The following TTC39B variants were observed in gnomAD, a reference collection of about 807,000 sequenced individuals.
TTC39B encodes the protein tetratricopeptide repeat domain 39B.
A neutral mutation model predicts 96.6 loss-of-function variants in TTC39B; 92 were observed. That is an observed-to-expected ratio of 0.95 (90% confidence interval 0.80 to 1.13). The LOEUF (loss-of-function observed/expected upper bound fraction) is 1.13, where lower values mean the gene tolerates loss of function less well. Ranked by LOEUF, TTC39B falls within the 50% of genes most tolerant of loss-of-function variation. The pLI is 0.00. For synonymous variants in TTC39B, 367 were observed against 299.4 expected, an observed-to-expected ratio of 1.23 and a Z score of -2.33; for missense variants, 955 against 809.3, an observed-to-expected ratio of 1.18 and a Z score of -2.18.
intron 2 of TTC39B, among the ~76,000 whole-genome samples, chr9:15,255,419 A>T (rs570062615): frequency 2.6e-5 from 4 of 152,218 alleles, no homozygotes; most frequent in African/African-American, 9.6e-5. Flanking sequence ...AGAAGGAAAA[A>T]GAAAGGAGAC....
At chr9:15,195,931 T>C (rs2131285240) in intron 8 of TTC39B, among the ~76,000 whole-genome samples, 1 of 152,322 alleles carries the variant, frequency 6.6e-6, no homozygotes, top group South Asian at 2.1e-4. Context: ...ATGGAACTGG[T>C]GACTTTAAAT....
At chr9:15,171,929 C>T in exon 20 of TTC39B, 1 of 992,332 alleles carries the variant, frequency 1.0e-6, no homozygotes, top group African/African-American at 1.6e-5. Context: ...GTCTCTTATT[C>T]ACAAGATCAT....
intron 1 of TTC39B, among the ~76,000 whole-genome samples, chr9:15,305,813 A>G (rs59781734): frequency 0.15 from 23,198 of 151,400 alleles, 3,140 homozygotes; most frequent in African/African-American, 0.37. Flanking sequence ...GCACCGCCTC[A>G]ACAATGCCCT....
chr9:15,257,285 G>A lies in TTC39B; in HGVS notation c.275+10629C>T, dbSNP rs546233152. 5.9e-5 allele frequency among the ~76,000 whole-genome samples: 9 copies of A among 152,286 alleles called. No individual in the cohort carries two copies. The South Asian group carries it at 1.9e-3, about 32-fold the overall frequency. ...ATATATTTTAATATATTTAGAGGTA[G>A]AAATAAATTATCATGTCTAGGATTT... On this transcript the variant is annotated intron_variant, in intron 2 of 19. Transcript: ENST00000512701.
chr9:15,186,694 C>A, intron 15 of TTC39B: 1 of 341,168 alleles, frequency 2.9e-6, no homozygotes, highest in Non-Finnish European at 5.3e-6. Flanking sequence ...AGTTAATATA[C>A]ATGGTTTTTT....
chr9:15,224,252 C>G (rs1821001661), intron 3 of TTC39B: 1 of 152,416 alleles, frequency 6.6e-6, no homozygotes, highest in Non-Finnish European at 1.5e-5. Context: ...AATGACCTAA[C>G]TATGAAATGC....
intron 1 of TTC39B, among the ~76,000 whole-genome samples, chr9:15,279,847 C>A (rs1239539549): frequency 2.0e-5 from 3 of 151,274 alleles, no homozygotes. Flanking sequence ...CAAATTCCAC[C>A]TGCTGCCTTT....
chr9:15,239,271 G>A (rs1055241469), intron 2 of TTC39B, among the ~76,000 whole-genome samples: 6 of 152,124 alleles, frequency 3.9e-5, no homozygotes, highest in African/African-American at 9.7e-5. Context: ...AACAACAGAT[G>A]TTGGATTGCT....
At chr9:15,282,853 A>G (rs7037559) in intron 1 of TTC39B, among the ~76,000 whole-genome samples, 25,333 of 152,154 alleles carry the variant, frequency 0.17, 4,667 homozygotes, top group African/African-American at 0.46. Flanking sequence ...TCTGATCTAC[A>G]CTCATTCTCA....
chr9:15,200,725 G>C (rs1031634159), intron 7 of TTC39B, among the ~76,000 whole-genome samples: 2 of 152,238 alleles, frequency 1.3e-5, no homozygotes, highest in Non-Finnish European at 1.5e-5. Flanking sequence ...CTCTGGCTGG[G>C]CGTGGTGGCT....
chr9:15,253,168 GGT>G (rs1822626122), intron 2 of TTC39B, among the ~76,000 whole-genome samples: 2 of 152,140 alleles, frequency 1.3e-5, no homozygotes, highest in Admixed American at 6.5e-5. Context: ...ACCTATGAAT[GGT>G]ACCTTATATG....
chr9:15,258,908 G>T (rs550207013), intron 2 of TTC39B, among the ~76,000 whole-genome samples: 11 of 152,186 alleles, frequency 7.2e-5, no homozygotes, highest in African/African-American at 2.4e-4. Flanking sequence ...GCATTTATAG[G>T]ATCTATATCT....
At chr9:15,261,001 C>G (rs575691309) in intron 2 of TTC39B, among the ~76,000 whole-genome samples, 1 of 152,334 alleles carries the variant, frequency 6.6e-6, no homozygotes, top group East Asian at 1.9e-4. Context: ...TGAAAGACCA[C>G]TGCTGAGAAT....
intron 1 of TTC39B, among the ~76,000 whole-genome samples, chr9:15,269,799 G>A (rs1427114759): frequency 6.7e-6 from 1 of 149,262 alleles, no homozygotes; most frequent in African/African-American, 2.4e-5. Context: ...ACGTTACAGT[G>A]AGCCGAGATC....
At chr9:15,268,899 A>C (rs545773271) in intron 1 of TTC39B, among the ~76,000 whole-genome samples, 2 of 152,264 alleles carry the variant, frequency 1.3e-5, no homozygotes, top group East Asian at 3.9e-4. Flanking sequence ...TTTCCATTGC[A>C]TTTAGAAAAA....
chr9:15,197,638 A>G (rs1205116981), intron 8 of TTC39B, among the ~76,000 whole-genome samples: 1 of 152,198 alleles, frequency 6.6e-6, no homozygotes, highest in East Asian at 1.9e-4. Flanking sequence ...GGGGCAGAAA[A>G]AAAAAGTTTG....
intron 1 of TTC39B, among the ~76,000 whole-genome samples, chr9:15,280,606 GTGA>G (rs1823725302): frequency 6.6e-6 from 1 of 152,186 alleles, no homozygotes; most frequent in African/African-American, 2.4e-5. Flanking sequence ...GGCCCGAACA[GTGA>G]TGATGATACC....
intron 2 of TTC39B, chr9:15,232,182 C>T (rs970727003): frequency 6.6e-6 from 1 of 152,670 alleles, no homozygotes; most frequent in Non-Finnish European, 1.5e-5. Context: ...AGTATATACC[C>T]ATCTGCTTGT....
At chr9:15,167,026 A>ATT (rs1817541466) in exon 20 of TTC39B, 9 of 11,584 alleles carry the variant, frequency 7.8e-4, no homozygotes, top group Admixed American at 2.3e-3. Flanking sequence ...ATATATATAT[A>ATT]TATTTTTTTT....
Sources: allele counts gnomAD v4.1 joint callset (sites outside exome capture counted in the v4.1 genomes callset), GRCh38; gene constraint gnomAD v4.1.1; transcripts MANE v1.5; gene names NCBI Gene and HGNC (gene_info 2026-07-23, HGNC 2026-07-21).